Variants in STARD4 observed in about 807,000 individuals in gnomAD.
STARD4 encodes StAR related lipid transfer domain containing 4.
In STARD4, 33 loss-of-function variants were observed where a neutral mutation model predicts 24.9. The ratio of observed to expected loss-of-function variants is 1.32; its 90% CI spans 1.00 to 1.77. The LOEUF (loss-of-function observed/expected upper bound fraction) is 1.77, where lower values mean the gene tolerates loss of function less well. STARD4 is among the 40% of genes most tolerant of loss of function. The pLI is 0.00. For synonymous variants in STARD4, 88 were observed against 77.4 expected (o/e 1.14, Z -0.72); for missense variants, 238 against 249.3 (o/e 0.95, Z 0.31).
chr5:111,506,321 GTTAC>G lies in STARD4; in HGVS notation c.155+5_155+8del, dbSNP rs753856103. 5.5e-5 allele frequency: 80 copies of G among 1,451,012 alleles called. No homozygotes were observed. The highest frequency in any genetic ancestry group is 7.2e-5 in the Non-Finnish European group (76 of 1,057,400). 89.9% of individuals were successfully genotyped at this position (1,451,012 alleles called of 1,614,324 possible). A position where few individuals can be genotyped will look rare whatever the true frequency, so the allele number is the denominator to read the frequency against. ...TAAGAGCTGTGTAAGTCTATAAAAA[GTTAC>G]TTACAGATATCCATTAAATTCTTCT... is the stretch of plus-strand genomic sequence containing the variant. On this transcript the variant is annotated splice_donor_5th_base_variant and intron_variant, in intron 3 of 5. Coordinates refer to ENST00000296632, the MANE Select transcript of STARD4 (RefSeq NM_139164.3).
At chr5:111,501,165 T>C in intron 4 of STARD4, 49 bp from the exon 5 acceptor site, 1 of 1,516,002 alleles carries the variant, frequency 6.6e-7, no homozygotes, top group Non-Finnish European at 8.8e-7. Flanking sequence ...GAAACATACA[T>C]AGCTTCATAT....
rs146815108 is a variant in STARD4 at position 111,497,719 on chromosome 5, G to A, written c.*2167C>T. ...TCTATCCTACAGCATTGCTATAGAA[G>A]CAGCGGACTCAATTATTTATGTTAA... is the stretch of plus-strand genomic sequence containing the variant. On this transcript the variant is annotated 3_prime_UTR_variant, in exon 6 of 6. Transcript: ENST00000296632. 2.0e-5 allele frequency: 3 copies of A among 152,026 alleles called. No individual in the cohort carries two copies. The highest frequency in any genetic ancestry group is 7.2e-5 in the African/African-American group (3 of 41,504). The allele number at this position is 152,026 out of a possible 1,614,324, so 9.4% of individuals were successfully genotyped here.
intron 3 of STARD4, among the ~76,000 whole-genome samples, chr5:111,504,530 C>T (rs1756702942): frequency 6.6e-6 from 1 of 152,092 alleles, no homozygotes; most frequent in African/African-American, 2.4e-5. Flanking sequence ...CACATAACTT[C>T]AGGACAGCAG....
intron 3 of STARD4, among the ~76,000 whole-genome samples, chr5:111,505,535 T>G (rs186202484): frequency 9.4e-4 from 143 of 152,338 alleles, no homozygotes; most frequent in African/African-American, 3.3e-3. Context: ...TTAAATAATC[T>G]TCAAAAATGT....
At chr5:111,506,513 G>T in intron 2 of STARD4, 134 bp from the exon 3 acceptor site, 1 of 412,030 alleles carries the variant, frequency 2.4e-6, no homozygotes, top group Non-Finnish European at 4.4e-6. Context: ...ATACATAAAA[G>T]TCATCTATAC....
At chr5:111,510,697 G>T (rs553877633) in intron 1 of STARD4, among the ~76,000 whole-genome samples, 195 of 152,254 alleles carry the variant, frequency 1.3e-3, no homozygotes, top group Middle Eastern at 3.4e-3. Context: ...GGTGATAGTG[G>T]CTGCCATCAT....
chr5:111,503,293 C>A (rs1292834562), intron 3 of STARD4, among the ~76,000 whole-genome samples: 1 of 152,062 alleles, frequency 6.6e-6, no homozygotes, highest in Non-Finnish European at 1.5e-5. Flanking sequence ...CTATTTCTAC[C>A]ACTCATAATA....
intron 3 of STARD4, among the ~76,000 whole-genome samples, chr5:111,503,357 G>A (rs554316202): frequency 8.5e-5 from 13 of 152,150 alleles, no homozygotes; most frequent in South Asian, 4.1e-4. Context: ...TGGGCCAGGC[G>A]CGGTGGCTCA....
Position 111,499,664 on chromosome 5 carries a change from C to G in STARD4, c.*222G>C, listed in dbSNP as rs907037467. ...TACCACTGCCCTCCAGCATGGGCAACAGAGTGAGAGCCTGTCTCAAAATTT... is the reference window on the plus strand; with the variant it reads ...TACCACTGCCCTCCAGCATGGGCAAGAGAGTGAGAGCCTGTCTCAAAATTT... On this transcript the variant is annotated 3_prime_UTR_variant, in exon 6 of 6. Transcript: ENST00000296632. 1.9e-6 allele frequency: 1 copy of G among 526,892 alleles called. No homozygotes were observed. Among genetic ancestry groups the G allele is most frequent in the Admixed American group, 3.3e-5 (1 of 29,998 alleles). The allele number at this position is 526,892 out of a possible 1,614,324, so 32.6% of individuals were successfully genotyped here.
At chr5:111,504,940 A>C (rs2112558868) in intron 3 of STARD4, 1 of 438,472 alleles carries the variant, frequency 2.3e-6, no homozygotes, top group East Asian at 7.0e-5. Flanking sequence ...TTTCACATGC[A>C]TTTGCCCTTT....
chr5:111,510,758 C>T (rs1489966019), intron 1 of STARD4, among the ~76,000 whole-genome samples: 2 of 152,210 alleles, frequency 1.3e-5, no homozygotes, highest in Non-Finnish European at 2.9e-5. Context: ...CTATCAGCAC[C>T]ATAGTCTTGA....
At chr5:111,509,515 T>C (rs1328300234) in intron 1 of STARD4, among the ~76,000 whole-genome samples, 1 of 152,128 alleles carries the variant, frequency 6.6e-6, no homozygotes, top group African/African-American at 2.4e-5. Context: ...TGGCATATTT[T>C]CATTACCTAA....
rs1233871822 is a variant in STARD4, at chr5:111,496,580, C to CA, written c.*3305dup. ...TTAAAGCTTTTATTTGTATGAAAGGCAATTACTCAGCCCTAAAAGCTCAAC... is the reference window on the plus strand; with the variant it reads ...TTAAAGCTTTTATTTGTATGAAAGGCAAATTACTCAGCCCTAAAAGCTCAAC... On this transcript the variant is annotated 3_prime_UTR_variant, in exon 6 of 6. Transcript: ENST00000296632. 1 of 152,096 alleles carries CA rather than the reference C, an allele frequency of 6.6e-6. No homozygotes were observed. The highest frequency in any genetic ancestry group is 1.5e-5 in the Non-Finnish European group (1 of 67,978). The allele number at this position is 152,096 out of a possible 1,614,324, so 9.4% of individuals were successfully genotyped here.
intron 2 of STARD4, among the ~76,000 whole-genome samples, chr5:111,506,627 T>A (rs1756883899): frequency 6.6e-6 from 1 of 152,210 alleles, no homozygotes; most frequent in African/African-American, 2.4e-5. Flanking sequence ...TTTAATGATA[T>A]CCAAACACTG....
At position 111,499,856 on chromosome 5, in the gene STARD4, A is replaced by AGT; in HGVS notation, c.*28_*29dup. 1 of 1,578,380 alleles carries AGT rather than the reference A, an allele frequency of 6.3e-7. No individual in the cohort carries two copies. Among genetic ancestry groups the AGT allele is most frequent in the Non-Finnish European group, 8.7e-7 (1 of 1,147,810 alleles). ...CATGTAGCTGAGAGAGTTGATCTGTAGTACTACAAGTTTGAATGTATTTTG... is the reference window on the plus strand; with the variant it reads ...CATGTAGCTGAGAGAGTTGATCTGTAGTGTACTACAAGTTTGAATGTATTTTG... On this transcript the variant is annotated 3_prime_UTR_variant, in exon 6 of 6. Transcript: ENST00000296632.
Position 111,496,790 on chromosome 5 carries a change from A to T in STARD4, c.*3096T>A, listed in dbSNP as rs1756121488. 1.3e-5 allele frequency: 2 copies of T among 152,046 alleles called. No individual in the cohort carries two copies. Among genetic ancestry groups the T allele is most frequent in the Admixed American group, 6.6e-5 (1 of 15,254 alleles). 9.4% of individuals were successfully genotyped at this position (152,046 alleles called of 1,614,324 possible). On this transcript the variant is annotated 3_prime_UTR_variant, in exon 6 of 6. Coordinates refer to ENST00000296632, the MANE Select transcript of STARD4 (RefSeq NM_139164.3). ...GGAAAAAAATTCTATTAACTAGGAGATGTTGTACAGATAGAAATCTACAAT... is the reference window on the plus strand; with the variant it reads ...GGAAAAAAATTCTATTAACTAGGAGTTGTTGTACAGATAGAAATCTACAAT...
Position 111,499,956 on chromosome 5 carries a change from T to C in STARD4, c.548A>G (p.Gln183Arg). 1 of 1,614,174 alleles carries C rather than the reference T, an allele frequency of 6.2e-7. No individual in the cohort carries two copies. Among genetic ancestry groups the C allele is most frequent in the Non-Finnish European group, 8.5e-7 (1 of 1,180,020 alleles). The change falls in exon 6 of 6, where the codon CAG becomes CGG. Residue 183 changes from glutamine (Q) to arginine (R), a missense_variant. Gln to Arg is a conservative substitution (Grantham distance 43). Transcript: ENST00000296632. ...TGCCATGGCTGTATCTACCGCAGACTGAGGAATCATCCCACGCAGATCTGT... is the reference window on the plus strand; with the variant it reads ...TGCCATGGCTGTATCTACCGCAGACCGAGGAATCATCCCACGCAGATCTGT... ...IQTDLRGMIP[Q>R]SAVDTAMAST...
Position 111,506,362 on chromosome 5 carries a change from C to A in STARD4, c.123G>T (p.Trp41Cys). 1 of 1,499,046 alleles carries A rather than the reference C, an allele frequency of 6.7e-7. No individual in the cohort carries two copies. Among genetic ancestry groups the A allele is most frequent in the Non-Finnish European group, 9.2e-7 (1 of 1,089,038 alleles). 92.9% of individuals were successfully genotyped at this position (1,499,046 alleles called of 1,614,324 possible). A position where few individuals can be genotyped will look rare whatever the true frequency, so the allele number is the denominator to read the frequency against. Residue 41 changes from tryptophan to cysteine, a missense_variant, in exon 3 of 6, where the codon TGG becomes TGT. By Grantham distance (215) the Trp-to-Cys change is radical (BLOSUM62 -2). Transcript: ENST00000296632. Reference sequence around the variant, plus strand: ...CATTAAATTCTTCTGAGGGTTTTCTCCAAACAGTTACATCTTTCTAGAAAA... The same window carrying A: ...CATTAAATTCTTCTGAGGGTTTTCTACAAACAGTTACATCTTTCTAGAAAA... The part of the protein sequence containing the change: ...VAKKTKDVTV[W>C]RKPSEEFNGY...
At chr5:111,501,861 A>T (rs779797464) in intron 4 of STARD4, 101 bp downstream of exon 4, 67 of 1,480,004 alleles carry the variant, frequency 4.5e-5, no homozygotes, top group Non-Finnish European at 6.0e-5. Flanking sequence ...AAAGCAATGA[A>T]TATAAGTGTG....
Sources: allele counts gnomAD v4.1 joint callset (sites outside exome capture counted in the v4.1 genomes callset), GRCh38; gene constraint gnomAD v4.1.1; transcripts MANE v1.5; gene names NCBI Gene and HGNC (gene_info 2026-07-23, HGNC 2026-07-21).